SLC39A5: variants seen among roughly 807,000 people sequenced by gnomAD.
SLC39A5 encodes zinc transporter ZIP5.
SLC39A5 carries 42 observed loss-of-function variants against 46.9 expected under a neutral mutation model. That is an observed-to-expected ratio of 0.90 (90% confidence interval 0.70 to 1.16). SLC39A5 has a LOEUF of 1.16. Ranked by LOEUF, SLC39A5 falls within the 50% of genes most tolerant of loss-of-function variation. The pLI is 0.00. For synonymous variants in SLC39A5, 311 were observed against 323.1 expected (o/e 0.96, Z 0.40); for missense variants, 677 against 686.8 (o/e 0.99, Z 0.16).
In SLC39A5 at chr12:56,235,616, G is replaced by C. The variant is rs141099382; in HGVS notation, c.861G>C (p.Pro287=). 1 of 1,614,074 alleles carries C rather than the reference G, an allele frequency of 6.2e-7. No individual in the cohort carries two copies. Among genetic ancestry groups the C allele is most frequent in the South Asian group, 1.1e-5 (1 of 91,078 alleles). Residue 287 remains proline (P), a synonymous_variant, in exon 8 of 13, where the codon CCG becomes CCC. Coordinates refer to ENST00000454355, the MANE Select transcript of SLC39A5 (RefSeq NM_173596.3). ...PGGLPEKDLG[P]GLSVLGGLFL... ...GACTACCAGAGAAGGACCTGGGCCC[G>C]GGGCTGTCAGTGCTCGGAGGCCTCT...
chr12:56,237,495 G>C (rs531965517), intron 12 of SLC39A5, 93 bp from the exon 13 acceptor site: 1 of 1,585,602 alleles, frequency 6.3e-7, no homozygotes, highest in Admixed American at 1.7e-5. Context: ...TAAGGTGTTT[G>C]GGTGGGGGCT....
rs772075445 is a variant in SLC39A5 at position 56,237,198 on chromosome 12, T to G, written c.1337T>G (p.Leu446Arg). The change falls in exon 12 of 13, where the codon CTG becomes CGG. Residue 446 changes from leucine to arginine, a missense_variant. Physicochemically the swap from Leu to Arg is moderately radical, Grantham distance 102 (BLOSUM62 -2). Transcript: ENST00000454355. Reference protein sequence around the residue: ...LQSGLSFRRLLLLSLVSGALG... With the variant: ...LQSGLSFRRLRLLSLVSGALG... ...TCAGGGCTGTCCTTTCGGCGGCTGC[T>G]GCTGCTGAGCCTCGTGTCTGGAGCC... The G allele has an allele frequency of 2.0e-5, 33 of 1,613,824 alleles. No homozygotes were observed. Among genetic ancestry groups the G allele is most frequent in the Non-Finnish European group, 2.8e-5 (33 of 1,179,992 alleles).
chr12:56,236,849 C>CG, intron 10 of SLC39A5, 82 bp from the exon 11 acceptor site: 1 of 1,592,724 alleles, frequency 6.3e-7, no homozygotes, highest in Admixed American at 1.7e-5. Context: ...GGGGAGAGGA[C>CG]GGGAGGACCA....
chr12:56,231,445 C>T lies in SLC39A5; in HGVS notation c.171C>T (p.Gly57=), dbSNP rs1226752635. ...YGENGTLTAG[G]LARLLHSLGL... ...AGAATGGGACGCTGACTGCAGGGGG[C>T]TTGGCGCGGCTTCTCCACAGCCTGG... The change falls in exon 4 of 13, where the codon GGC becomes GGT. Residue 57 remains glycine (G), a synonymous_variant. Coordinates refer to ENST00000454355, the MANE Select transcript of SLC39A5 (RefSeq NM_173596.3). The T allele has an allele frequency of 1.1e-5, 18 of 1,613,854 alleles. No homozygotes were observed. Among genetic ancestry groups the T allele is most frequent in the Non-Finnish European group, 1.5e-5 (18 of 1,179,952 alleles).
chr12:56,232,754 G>A lies in SLC39A5; in HGVS notation c.353G>A (p.Gly118Asp). ...AGMPLGPSGW[G>D]DLEESKAPHL... ...ATGCCTCTGGGTCCCTCAGGGTGGG[G>A]TGACCTGGAAGAGTCAAAGGCCCCT... The change falls in exon 5 of 13, where the codon GGT (glycine) becomes GAT (aspartate). Residue 118 changes from glycine (G) to aspartate (D), a missense_variant. Gly to Asp is a moderately conservative substitution (Grantham distance 94). Transcript: ENST00000454355. 6.2e-7 allele frequency: 1 copy of A among 1,612,606 alleles called. No homozygotes were observed. Among genetic ancestry groups the A allele is most frequent in the Non-Finnish European group, 8.5e-7 (1 of 1,179,440 alleles).
rs1870792528 is a variant in SLC39A5, at chr12:56,236,587, G to A, written c.1048G>A (p.Gly350Arg). 3 of 1,612,870 alleles carry A rather than the reference G, an allele frequency of 1.9e-6. No homozygotes were observed. Among genetic ancestry groups the A allele is most frequent in the Admixed American group, 1.7e-5 (1 of 59,966 alleles). The change falls in exon 10 of 13, where the codon GGG becomes AGG. Residue 350 changes from glycine to arginine, a missense_variant. By Grantham distance (125) the Gly-to-Arg change is moderately radical. Transcript: ENST00000454355. ...LQPLQAAPEP[G>R]AQGQREKNSQ... The stretch of plus-strand genomic sequence containing the variant: ...TCCTGTGCTTCTTCCCGCAGAGCCA[G>A]GGGCTCAGGGCCAGAGGGAGAAGAA...
intron 5 of SLC39A5, 69 bp from the exon 6 acceptor site, chr12:56,234,755 T>C: frequency 6.4e-7 from 1 of 1,561,936 alleles, no homozygotes; most frequent in Non-Finnish European, 8.8e-7. Flanking sequence ...CCACTACACC[T>C]GGCCAGGTGT....
rs747983985 is a variant in SLC39A5 at position 56,234,878 on chromosome 12, C to T, written c.526C>T (p.Leu176=). The T allele has an allele frequency of 6.2e-6, 10 of 1,613,700 alleles. No homozygotes were observed. Among genetic ancestry groups the T allele is most frequent in the Admixed American group, 3.3e-5 (2 of 60,004 alleles). ...TTTTGGCTTGAGCCCCGCTGCTCCT[C>T]TGACCCCTCGTCAGTTTGCTCTGCT... The part of the protein sequence containing the change: ...VNFGLSPAAP[L]TPRQFALLCP... The change falls in exon 6 of 13, where the codon CTG becomes TTG. Residue 176 remains leucine, a synonymous_variant. Coordinates refer to ENST00000454355, the MANE Select transcript of SLC39A5 (RefSeq NM_173596.3).
Position 56,237,151 on chromosome 12 carries a change from T to A in SLC39A5, c.1290T>A (p.Gly430=), listed in dbSNP as rs201599048. The A allele has an allele frequency of 1.2e-5, 19 of 1,613,740 alleles. No homozygotes were observed. In the East Asian group the frequency reaches 2.7e-4, roughly 23 times the overall value. Residue 430 remains glycine, a splice_region_variant and synonymous_variant, in exon 12 of 13, where the codon GGT becomes GGA. Transcript: ENST00000454355. ...VFCHELPHEL[G]DFAMLLQSGL... is the part of the protein sequence containing the mutation. ...CATCCTGTCCTCTGTCTCCAATAGG[T>A]GACTTTGCCATGCTGCTCCAGTCAG...
At chr12:56,232,087 CT>C (rs1279967863) in intron 4 of SLC39A5, among the ~76,000 whole-genome samples, 1 of 151,728 alleles carries the variant, frequency 6.6e-6, no homozygotes, top group Non-Finnish European at 1.5e-5. Context: ...AAATTTCTTG[CT>C]CTTAGTATCA....
At chr12:56,233,264 CAAAAAAAAAAAAAAAAAAAAAAA>C (rs71081337) in intron 5 of SLC39A5, among the ~76,000 whole-genome samples, 44 of 31,036 alleles carry the variant, frequency 1.4e-3, no homozygotes, top group African/African-American at 5.5e-3. Context: ...GACTCTGTCT[CAAAAAAAAAAAAAAAAAAAAAAA>C]AAAAAAAAAA....
At position 56,237,255 on chromosome 12, in the gene SLC39A5, G is replaced by A. The variant is rs779065616; in HGVS notation, c.1394G>A (p.Gly465Glu). 2 of 1,613,928 alleles carry A rather than the reference G, an allele frequency of 1.2e-6. No homozygotes were observed. Among genetic ancestry groups the A allele is most frequent in the Admixed American group, 1.7e-5 (1 of 59,988 alleles). Residue 465 changes from glycine (G) to glutamate (E), a missense_variant, in exon 12 of 13, where the codon GGG becomes GAG. Physicochemically the swap from Gly to Glu is moderately conservative, Grantham distance 98 (BLOSUM62 -2). Coordinates refer to ENST00000454355, the MANE Select transcript of SLC39A5 (RefSeq NM_173596.3). ...TTGGGGGGTGCAGTCCTGGGGGTGGGGCTCAGCCTGGGCCCTGTCCCCCTC... is the reference window on the plus strand; with the variant it reads ...TTGGGGGGTGCAGTCCTGGGGGTGGAGCTCAGCCTGGGCCCTGTCCCCCTC... ...LGLGGAVLGVGLSLGPVPLTP... is the reference protein window; with the variant it reads ...LGLGGAVLGVELSLGPVPLTP...
Position 56,235,573 on chromosome 12 carries a change from G to A in SLC39A5, c.818G>A (p.Arg273Gln), listed in dbSNP as rs145032606. The A allele has an allele frequency of 1.5e-5, 25 of 1,613,952 alleles. No homozygotes were observed. Among genetic ancestry groups the A allele is most frequent in the African/African-American group, 6.7e-5 (5 of 75,036 alleles). ...TCTCTCTGTCAGGCACAAGAAGGGCGGCACGCAGGACCTGGCGGACTACCA... is the reference window on the plus strand; with the variant it reads ...TCTCTCTGTCAGGCACAAGAAGGGCAGCACGCAGGACCTGGCGGACTACCA... ...LHLLPHAQEG[R>Q]HAGPGGLPEK... The change falls in exon 8 of 13, where the codon CGG becomes CAG. Residue 273 changes from arginine to glutamine, a missense_variant. By Grantham distance (43) the Arg-to-Gln change is conservative. Coordinates refer to ENST00000454355, the MANE Select transcript of SLC39A5 (RefSeq NM_173596.3).
chr12:56,236,155 G>A (rs901741948), intron 8 of SLC39A5, among the ~76,000 whole-genome samples: 3 of 152,238 alleles, frequency 2.0e-5, no homozygotes, highest in Non-Finnish European at 4.4e-5. Context: ...GGCTAACAGG[G>A]AGTGGGTAGG....
At chr12:56,235,855 C>A in intron 8 of SLC39A5, 155 bp downstream of exon 8, 2 of 933,584 alleles carry the variant, frequency 2.1e-6, no homozygotes, top group Non-Finnish European at 3.3e-6. Flanking sequence ...CCAGCCTGAC[C>A]AACATGGTGA....
Position 56,237,680 on chromosome 12 carries a change from T to G in SLC39A5, c.1572T>G (p.Leu524=), listed in dbSNP as rs1330023983. 6.2e-7 allele frequency: 1 copy of G among 1,605,822 alleles called. No homozygotes were observed. Among genetic ancestry groups the G allele is most frequent in the African/African-American group, 1.3e-5 (1 of 74,728 alleles). The part of the protein sequence containing the change: ...LGLLLGGGLM[L]AITLLEERLL... ...TGCTGCTGGGGGGCGGCCTCATGCTTGCCATAACCCTGCTGGAGGAGCGGC... is the reference window on the plus strand; with the variant it reads ...TGCTGCTGGGGGGCGGCCTCATGCTGGCCATAACCCTGCTGGAGGAGCGGC... Residue 524 remains leucine (L), a synonymous_variant, in exon 13 of 13, where the codon CTT becomes CTG. Coordinates refer to ENST00000454355, the MANE Select transcript of SLC39A5 (RefSeq NM_173596.3).
chr12:56,230,729 C>G (rs926377946), intron 2 of SLC39A5, 102 bp from the exon 3 acceptor site: 1 of 152,720 alleles, frequency 6.5e-6, no homozygotes, highest in African/African-American at 2.4e-5. Flanking sequence ...GGCAGGTGGG[C>G]TAGGAGGGGG....
Position 56,230,055 on chromosome 12 carries a change from G to GCC in SLC39A5, c.-232_-231dup, listed in dbSNP as rs11403568. 2.9e-4 allele frequency: 42 copies of GCC among 145,588 alleles called. No homozygotes were observed. The highest frequency in any genetic ancestry group is 4.5e-4 in the South Asian group (2 of 4,472). The allele number at this position is 145,588 out of a possible 1,614,324, so 9.0% of individuals were successfully genotyped here. ...GTGACCCTTGCCCGCCTGCCTGCCT[G>GCC]CCCCCCCAGCTGGAACCAAGAAGGT... On this transcript the variant is annotated 5_prime_UTR_variant, in exon 1 of 13. Transcript: ENST00000454355.
chr12:56,234,059 C>T (rs975294739), intron 5 of SLC39A5, among the ~76,000 whole-genome samples: 1 of 152,096 alleles, frequency 6.6e-6, no homozygotes, highest in East Asian at 1.9e-4. Flanking sequence ...ACCCTTGGCC[C>T]TAGTCCCCAA....
Sources: gnomAD v4.1 joint callset for allele counts (sites outside exome capture counted in the v4.1 genomes callset) on GRCh38, gnomAD v4.1.1 for gene constraint, MANE v1.5 for transcripts, NCBI Gene and HGNC (gene_info 2026-07-23, HGNC 2026-07-21) for gene names.